The following KCNN2 variants were observed in gnomAD, a reference collection of about 807,000 sequenced individuals.
The protein encoded by KCNN2 is small conductance calcium-activated potassium channel protein 2.
KCNN2 carries 24 observed loss-of-function variants against 55.5 expected under a neutral mutation model. The ratio of observed to expected loss-of-function variants is 0.43; its 90% CI spans 0.31 to 0.61. KCNN2 has a LOEUF of 0.61. KCNN2 is among the 20% of genes least tolerant of loss of function. KCNN2 has a pLI of 0.08. For synonymous variants in KCNN2, 431 were observed against 336.1 expected (o/e 1.28, Z -3.09); for missense variants, 754 against 853.6 (o/e 0.88, Z 1.45).
At chr5:114,410,009 T>C (rs1374995331) in intron 3 of KCNN2, among the ~76,000 whole-genome samples, 1 of 152,200 alleles carries the variant, frequency 6.6e-6, no homozygotes, top group Non-Finnish European at 1.5e-5. Context: ...TCTCTGGTTA[T>C]GGTTTGGCTT....
At chr5:114,480,411 C>T (rs989801646) in intron 5 of KCNN2, among the ~76,000 whole-genome samples, 1 of 152,144 alleles carries the variant, frequency 6.6e-6, no homozygotes, top group Non-Finnish European at 1.5e-5. Context: ...ACATTCACAA[C>T]TGAATTTTAC....
At chr5:114,250,938 G>A (rs1580661344) in intron 2 of KCNN2, among the ~76,000 whole-genome samples, 1 of 152,174 alleles carries the variant, frequency 6.6e-6, no homozygotes, top group Admixed American at 6.5e-5. Context: ...ACATATCTAG[G>A]ACAGATGATG....
intron 2 of KCNN2, among the ~76,000 whole-genome samples, chr5:114,348,718 C>A (rs1757158030): frequency 6.6e-6 from 1 of 152,132 alleles, no homozygotes; most frequent in African/African-American, 2.4e-5. Flanking sequence ...AATCTTGAAT[C>A]CTCAATTATC....
At chr5:114,340,668 ATGTG>A (rs3070942) in intron 2 of KCNN2, among the ~76,000 whole-genome samples, 62,724 of 150,424 alleles carry the variant, frequency 0.42, 13,624 homozygotes, top group East Asian at 0.84. Context: ...GTGTGTGTGC[ATGTG>A]TGTGTGTGTG....
chr5:114,335,819 C>T (rs1461895602), intron 2 of KCNN2, among the ~76,000 whole-genome samples: 1 of 152,048 alleles, frequency 6.6e-6, no homozygotes, highest in African/African-American at 2.4e-5. Context: ...CAGAATCACA[C>T]GGAGCCCTAA....
chr5:114,059,702 C>T (rs1750287018), intron 1 of KCNN2, among the ~76,000 whole-genome samples: 1 of 152,108 alleles, frequency 6.6e-6, no homozygotes, highest in Admixed American at 6.6e-5. Flanking sequence ...AGTGCGAGCC[C>T]TTTACGAGAC....
At chr5:114,371,112 T>C (rs1205394358) in intron 2 of KCNN2, among the ~76,000 whole-genome samples, 6 of 152,110 alleles carry the variant, frequency 3.9e-5, no homozygotes, top group African/African-American at 9.7e-5. Context: ...ACAAAGATGA[T>C]TGATGGGGTT....
intron 2 of KCNN2, among the ~76,000 whole-genome samples, chr5:114,346,327 G>A (rs1198614456): frequency 1.3e-5 from 2 of 152,100 alleles, no homozygotes; most frequent in Non-Finnish European, 2.9e-5. Flanking sequence ...GATTTGGCAG[G>A]GACATAGATA....
intron 1 of KCNN2, among the ~76,000 whole-genome samples, chr5:114,147,648 G>A (rs1275161817): frequency 1.3e-5 from 2 of 152,198 alleles, no homozygotes; most frequent in African/African-American, 2.4e-5. Flanking sequence ...CAGATAGACA[G>A]TGAGGACTGT....
At chr5:114,177,848 A>C (rs1036442128) in intron 1 of KCNN2, among the ~76,000 whole-genome samples, 1 of 152,200 alleles carries the variant, frequency 6.6e-6, no homozygotes, top group Admixed American at 6.5e-5. Context: ...CAAGAAAAGG[A>C]AACAAACCAT....
chr5:114,129,819 G>A (rs1752034993), intron 1 of KCNN2, among the ~76,000 whole-genome samples: 1 of 152,198 alleles, frequency 6.6e-6, no homozygotes, highest in South Asian at 2.1e-4. Flanking sequence ...ATCCAAAATG[G>A]ATCTGAGGAC....
intron 1 of KCNN2, among the ~76,000 whole-genome samples, chr5:114,082,712 T>G (rs1179413964): frequency 6.6e-6 from 1 of 152,114 alleles, no homozygotes; most frequent in Non-Finnish European, 1.5e-5. Context: ...AAATGTGTTA[T>G]GTGCACACAA....
chr5:114,246,843 A>G (rs1754756737), intron 2 of KCNN2, among the ~76,000 whole-genome samples: 1 of 152,082 alleles, frequency 6.6e-6, no homozygotes, highest in African/African-American at 2.4e-5. Flanking sequence ...TAATGCCTTT[A>G]TTAGCTAACA....
chr5:114,112,762 T>C (rs1283434659), intron 1 of KCNN2, among the ~76,000 whole-genome samples: 1 of 152,112 alleles, frequency 6.6e-6, no homozygotes, highest in East Asian at 1.9e-4. Context: ...TGTTTTATTT[T>C]CCAGACTGAA....
intron 2 of KCNN2, among the ~76,000 whole-genome samples, chr5:114,272,277 TCA>T (rs1333304130): frequency 3.3e-4 from 23 of 69,660 alleles, no homozygotes; most frequent in East Asian, 1.6e-3. Context: ...TATGTACATA[TCA>T]CACACACATA....
intron 2 of KCNN2, among the ~76,000 whole-genome samples, chr5:114,275,719 T>C (rs1755473639): frequency 6.6e-6 from 1 of 152,184 alleles, no homozygotes; most frequent in South Asian, 2.1e-4. Flanking sequence ...TTGAGTCTTC[T>C]CTTTTTCTTC....
intron 3 of KCNN2, among the ~76,000 whole-genome samples, chr5:114,425,004 C>G (rs889323762): frequency 6.6e-6 from 1 of 152,190 alleles, no homozygotes; most frequent in African/African-American, 2.4e-5. Context: ...AGGACAAATA[C>G]GTCAAGGCTC....
chr5:114,232,799 C>A (rs1699752005), intron 2 of KCNN2, among the ~76,000 whole-genome samples: 1 of 150,604 alleles, frequency 6.6e-6, no homozygotes, highest in African/African-American at 2.5e-5. Context: ...CTGGGTTTTC[C>A]TAAGATGTCA....
At chr5:114,164,250 A>G (rs895121869) in intron 1 of KCNN2, among the ~76,000 whole-genome samples, 5 of 152,336 alleles carry the variant, frequency 3.3e-5, no homozygotes, top group Admixed American at 2.6e-4. Context: ...AATGTGCATT[A>G]GGATGAGGAC....
Sources: gnomAD v4.1 joint callset for allele counts (sites outside exome capture counted in the v4.1 genomes callset) on GRCh38, gnomAD v4.1.1 for gene constraint, MANE v1.5 for transcripts, NCBI Gene and HGNC (gene_info 2026-07-23, HGNC 2026-07-21) for gene names.